CTDSPL: variants seen among roughly 807,000 people sequenced by gnomAD.
CTDSPL encodes CTD small phosphatase-like protein.
CTDSPL carries 8 observed loss-of-function variants against 30.5 expected under a neutral mutation model. That is an observed-to-expected ratio of 0.26 (90% CI 0.15 to 0.47). The LOEUF (loss-of-function observed/expected upper bound fraction) is 0.47, where lower values mean the gene tolerates loss of function less well. CTDSPL is among the 20% of genes least tolerant of loss of function. The pLI is 0.99. For missense variants in CTDSPL, 248 were observed against 366.1 expected (o/e 0.68, Z 2.63); for synonymous variants, 110 against 137.9 (o/e 0.80, Z 1.42).
rs1699498877 is a variant in CTDSPL, at chr3:37,982,116, C to T, written c.*1249C>T. 3.1e-6 allele frequency: 1 copy of T among 327,754 alleles called. No homozygotes were observed. Among genetic ancestry groups the T allele is most frequent in the Admixed American group, 4.4e-5 (1 of 22,776 alleles). The allele number at this position is 327,754 out of a possible 1,614,324, so 20.3% of individuals were successfully genotyped here. On this transcript the variant is annotated 3_prime_UTR_variant, in exon 8 of 8. Coordinates refer to ENST00000273179, the MANE Select transcript of CTDSPL (RefSeq NM_001008392.2). Reference sequence around the variant, plus strand: ...TTTTAAACTGCAGTCAGTATCAGATCCTGTTTGATAAATAAGCTGACTGTT... The same window carrying T: ...TTTTAAACTGCAGTCAGTATCAGATTCTGTTTGATAAATAAGCTGACTGTT...
intron 1 of CTDSPL, among the ~76,000 whole-genome samples, chr3:37,869,720 C>A (rs1013722577): frequency 8.5e-5 from 13 of 152,064 alleles, no homozygotes; most frequent in African/African-American, 3.1e-4. Flanking sequence ...AGTATTTTAT[C>A]ATTAGTATAA....
chr3:37,959,605 C>T (rs1054502981), intron 3 of CTDSPL, among the ~76,000 whole-genome samples: 1 of 152,204 alleles, frequency 6.6e-6, no homozygotes, highest in Admixed American at 6.5e-5. Flanking sequence ...ATATCTGCCT[C>T]ATTGTTTTAT....
Position 37,951,226 on chromosome 3 carries a change from G to A in CTDSPL, c.234+4015G>A, listed in dbSNP as rs146760813. On this transcript the variant is annotated intron_variant, in intron 2 of 7. Transcript: ENST00000273179. Reference sequence around the variant, plus strand: ...ACTAAAAAATACAAAAAATTAGCTGGGCATGGTGGCGGGCACCTGTAGTCC... The same window carrying A: ...ACTAAAAAATACAAAAAATTAGCTGAGCATGGTGGCGGGCACCTGTAGTCC... 7.2e-5 allele frequency among the ~76,000 whole-genome samples: 11 copies of A among 152,162 alleles called. No homozygotes were observed. In the East Asian group the frequency reaches 2.1e-3, roughly 29 times the overall value.
intron 1 of CTDSPL, among the ~76,000 whole-genome samples, chr3:37,939,773 G>A (rs1040746987): frequency 4.7e-5 from 7 of 150,286 alleles, no homozygotes; most frequent in African/African-American, 1.5e-4. Flanking sequence ...AAAAATTAAT[G>A]AAACTTTCAG....
intron 1 of CTDSPL, among the ~76,000 whole-genome samples, chr3:37,891,790 G>C (rs1373362772): frequency 1.3e-5 from 2 of 152,112 alleles, no homozygotes; most frequent in African/African-American, 2.4e-5. Context: ...TCTATCCATA[G>C]AGAATAAGGA....
At chr3:37,904,937 C>T (rs1559629616) in intron 1 of CTDSPL, among the ~76,000 whole-genome samples, 1 of 152,170 alleles carries the variant, frequency 6.6e-6, no homozygotes, top group East Asian at 1.9e-4. Context: ...TCAGTCTAAT[C>T]ACTCCTCTGG....
intron 7 of CTDSPL, among the ~76,000 whole-genome samples, 154 bp from the exon 8 acceptor site, chr3:37,980,588 G>C (rs561459518): frequency 6.6e-6 from 1 of 152,320 alleles, no homozygotes; most frequent in Admixed American, 6.5e-5. Context: ...GCCTCAATTT[G>C]AACAAGGGAA....
intron 1 of CTDSPL, among the ~76,000 whole-genome samples, chr3:37,884,751 GAT>G (rs890855746): frequency 6.6e-5 from 10 of 151,832 alleles, no homozygotes; most frequent in African/African-American, 2.4e-4. Flanking sequence ...AGGAGGAAAA[GAT>G]GATTGAAGAT....
At chr3:37,934,312 C>T (rs988024394) in intron 1 of CTDSPL, among the ~76,000 whole-genome samples, 2 of 150,038 alleles carry the variant, frequency 1.3e-5, no homozygotes, top group Admixed American at 6.7e-5. Flanking sequence ...GGCAACAGAG[C>T]GAGACCCTCT....
At chr3:37,907,694 GA>G (rs1204375804) in intron 1 of CTDSPL, among the ~76,000 whole-genome samples, 2 of 152,066 alleles carry the variant, frequency 1.3e-5, no homozygotes, top group Non-Finnish European at 2.9e-5. Context: ...GAGCTTAGTG[GA>G]AAAAATAAGA....
intron 1 of CTDSPL, among the ~76,000 whole-genome samples, chr3:37,894,847 C>G (rs1477479386): frequency 2.0e-5 from 3 of 152,090 alleles, no homozygotes; most frequent in African/African-American, 7.2e-5. Context: ...TTAAGCTCAT[C>G]CAGTGATTTT....
intron 1 of CTDSPL, among the ~76,000 whole-genome samples, chr3:37,911,050 G>A (rs1698577124): frequency 6.6e-6 from 1 of 152,236 alleles, no homozygotes; most frequent in Non-Finnish European, 1.5e-5. Context: ...TAACAGAAAG[G>A]TAGACCTTAC....
At chr3:37,973,797 AAG>A (rs1485893457) in intron 6 of CTDSPL, among the ~76,000 whole-genome samples, 4 of 152,260 alleles carry the variant, frequency 2.6e-5, no homozygotes, top group Non-Finnish European at 4.4e-5. Flanking sequence ...CAAAGAAAAA[AAG>A]AGACAAAGTC....
intron 6 of CTDSPL, among the ~76,000 whole-genome samples, chr3:37,974,113 T>G (rs1033838737): frequency 1.3e-5 from 2 of 152,234 alleles, no homozygotes; most frequent in East Asian, 3.9e-4. Flanking sequence ...AAGACAATTC[T>G]TCTTCCAATG....
At chr3:37,968,171 G>C (rs1019666030) in intron 5 of CTDSPL, 11 of 459,168 alleles carry the variant, frequency 2.4e-5, no homozygotes, top group African/African-American at 1.6e-4. Context: ...TAGCTTGATG[G>C]TCTAATTAAC....
At chr3:37,973,515 C>T (rs914058305) in intron 6 of CTDSPL, among the ~76,000 whole-genome samples, 4 of 152,242 alleles carry the variant, frequency 2.6e-5, no homozygotes, top group Admixed American at 6.5e-5. Context: ...TCAGCTCCCA[C>T]GTGCAGCCTT....
chr3:37,927,707 A>T (rs9836179), intron 1 of CTDSPL, among the ~76,000 whole-genome samples: 22,921 of 133,912 alleles, frequency 0.17, 2,687 homozygotes, highest in African/African-American at 0.33. Flanking sequence ...TATATATATA[A>T]AAAATGAAAT....
At chr3:37,917,552 G>C (rs1009099936) in intron 1 of CTDSPL, among the ~76,000 whole-genome samples, 7 of 152,208 alleles carry the variant, frequency 4.6e-5, no homozygotes, top group African/African-American at 1.7e-4. Flanking sequence ...ATGTAATCTA[G>C]TTGGAAATGT....
At chr3:37,934,608 AC>A (rs1445881898) in intron 1 of CTDSPL, among the ~76,000 whole-genome samples, 5 of 152,370 alleles carry the variant, frequency 3.3e-5, no homozygotes, top group Non-Finnish European at 5.9e-5. Flanking sequence ...AGCAAGAGTT[AC>A]CATCTTTGCT....
Sources: allele counts gnomAD v4.1 joint callset (sites outside exome capture counted in the v4.1 genomes callset), GRCh38; gene constraint gnomAD v4.1.1; transcripts MANE v1.5; gene names NCBI Gene and HGNC (gene_info 2026-07-23, HGNC 2026-07-21).